Variants in RBPMS observed in about 807,000 individuals in gnomAD.
RBPMS encodes the protein RNA binding protein, mRNA processing factor.
A neutral mutation model predicts 26.8 loss-of-function variants in RBPMS; 7 were observed. The ratio of observed to expected loss-of-function variants is 0.26; its 90% CI spans 0.15 to 0.49. The LOEUF (loss-of-function observed/expected upper bound fraction) is 0.49, where lower values mean the gene tolerates loss of function less well. Ranked by LOEUF, RBPMS falls within the 20% of genes least tolerant of loss-of-function variation. RBPMS has a pLI of 0.98. For synonymous variants in RBPMS, 96 were observed against 93.3 expected (o/e 1.03, Z -0.17); for missense variants, 186 against 250.0 (o/e 0.74, Z 1.73).
chr8:30,557,497 AAGG>A lies in RBPMS; in HGVS notation c.529-1387_529-1385del, dbSNP rs572331860. 9.8e-5 allele frequency among the ~76,000 whole-genome samples: 15 copies of A among 152,296 alleles called. No individual in the cohort carries two copies. The South Asian group carries it at 1.7e-3, about 17-fold the overall frequency. On this transcript the variant is annotated intron_variant, in intron 6 of 8. Coordinates refer to ENST00000397323, the MANE Select transcript of RBPMS (RefSeq NM_001008710.3). ...CAGCTGGTGCCCACACCTGTAAAAC[AAGG>A]AGATGAGGCAGGAGCTTTCCACCAG... is the stretch of plus-strand genomic sequence containing the variant.
At chr8:30,408,665 A>G (rs780878975) in intron 1 of RBPMS, among the ~76,000 whole-genome samples, 49 of 152,302 alleles carry the variant, frequency 3.2e-4, no homozygotes, top group Non-Finnish European at 4.3e-4. Flanking sequence ...ATTGCACACC[A>G]CTGTGTTCTG....
intron 1 of RBPMS, among the ~76,000 whole-genome samples, chr8:30,460,643 T>C (rs559162570): frequency 6.6e-6 from 1 of 152,306 alleles, no homozygotes; most frequent in South Asian, 2.1e-4. Flanking sequence ...ATAGCTAAGA[T>C]TTCTTATACT....
At chr8:30,418,856 A>C (rs1169788756) in intron 1 of RBPMS, among the ~76,000 whole-genome samples, 1 of 152,050 alleles carries the variant, frequency 6.6e-6, no homozygotes. Flanking sequence ...TCGGCCTCCC[A>C]AATCTGTTTT....
intron 1 of RBPMS, among the ~76,000 whole-genome samples, chr8:30,423,256 A>G (rs560226574): frequency 6.6e-6 from 1 of 152,270 alleles, no homozygotes; most frequent in South Asian, 2.1e-4. Context: ...CAGACTCTCA[A>G]ACATCTGTAA....
intron 5 of RBPMS, among the ~76,000 whole-genome samples, chr8:30,510,237 G>A (rs1376127476): frequency 3.3e-5 from 5 of 152,190 alleles, no homozygotes; most frequent in African/African-American, 9.7e-5. Flanking sequence ...CTGATGTCTC[G>A]AGTAAACCCA....
At chr8:30,468,428 A>G (rs1816747080) in intron 1 of RBPMS, among the ~76,000 whole-genome samples, 1 of 151,682 alleles carries the variant, frequency 6.6e-6, no homozygotes, top group African/African-American at 2.4e-5. Context: ...CTCCCTTCTA[A>G]ATTTCTTTAT....
chr8:30,414,695 A>C (rs1167442082), intron 1 of RBPMS, among the ~76,000 whole-genome samples: 1 of 152,160 alleles, frequency 6.6e-6, no homozygotes, highest in Non-Finnish European at 1.5e-5. Context: ...AATTTTCTTA[A>C]ACAGATTTTT....
At chr8:30,415,457 C>T (rs2150595383) in intron 1 of RBPMS, among the ~76,000 whole-genome samples, 1 of 152,342 alleles carries the variant, frequency 6.6e-6, no homozygotes, top group African/African-American at 2.4e-5. Flanking sequence ...ACTGTGTCCA[C>T]TTGCCAGATG....
chr8:30,469,177 C>A (rs1304684130), intron 1 of RBPMS, among the ~76,000 whole-genome samples: 2 of 152,160 alleles, frequency 1.3e-5, no homozygotes, highest in African/African-American at 4.8e-5. Flanking sequence ...TATTTTCATG[C>A]CTAGATTACC....
chr8:30,488,283 A>G (rs1819006236), intron 4 of RBPMS, among the ~76,000 whole-genome samples: 1 of 152,234 alleles, frequency 6.6e-6, no homozygotes, highest in Non-Finnish European at 1.5e-5. Flanking sequence ...GTAAAGTATA[A>G]AAGCATTATT....
chr8:30,544,885 T>C (rs1825743742), intron 6 of RBPMS: 4 of 1,493,606 alleles, frequency 2.7e-6, no homozygotes, highest in South Asian at 1.3e-5. Context: ...ATATCGCACA[T>C]GAGAGACCGG....
At chr8:30,445,838 A>AT (rs1813699739) in intron 1 of RBPMS, among the ~76,000 whole-genome samples, 1 of 151,490 alleles carries the variant, frequency 6.6e-6, no homozygotes, top group Admixed American at 6.6e-5. Context: ...TGATTTTTGT[A>AT]TTTTTTGTAG....
At chr8:30,483,854 T>C (rs1818521431) in intron 4 of RBPMS, among the ~76,000 whole-genome samples, 1 of 152,174 alleles carries the variant, frequency 6.6e-6, no homozygotes. Flanking sequence ...TATTTGTCTT[T>C]TTGCTTCTGG....
intron 1 of RBPMS, among the ~76,000 whole-genome samples, chr8:30,422,706 T>C (rs1810937895): frequency 6.6e-6 from 1 of 152,090 alleles, no homozygotes; most frequent in South Asian, 2.1e-4. Context: ...GATACCTGAG[T>C]GTGGATTTTA....
intron 4 of RBPMS, among the ~76,000 whole-genome samples, chr8:30,481,396 A>G (rs1818258206): frequency 6.6e-6 from 1 of 152,236 alleles, no homozygotes; most frequent in African/African-American, 2.4e-5. Flanking sequence ...CCCAAAGGTT[A>G]TCATTACAAA....
At chr8:30,467,383 C>T (rs1222918836) in intron 1 of RBPMS, among the ~76,000 whole-genome samples, 1 of 152,268 alleles carries the variant, frequency 6.6e-6, no homozygotes, top group East Asian at 1.9e-4. Context: ...CCCTGATGCC[C>T]CGCTTGTGCA....
chr8:30,428,679 ACT>A (rs2150657859), intron 1 of RBPMS, among the ~76,000 whole-genome samples: 1 of 152,142 alleles, frequency 6.6e-6, no homozygotes, highest in African/African-American at 2.4e-5. Context: ...TCGGTAGGAC[ACT>A]CTATAATCTA....
intron 1 of RBPMS, among the ~76,000 whole-genome samples, chr8:30,452,179 A>C (rs1440796632): frequency 6.6e-6 from 1 of 152,226 alleles, no homozygotes; most frequent in Non-Finnish European, 1.5e-5. Context: ...CAAGCATGGC[A>C]TTTTACATCA....
chr8:30,408,060 T>C (rs1382900252), intron 1 of RBPMS, among the ~76,000 whole-genome samples: 1 of 152,164 alleles, frequency 6.6e-6, no homozygotes. Context: ...GATGACCAGT[T>C]ACAGGATCCT....
Sources: gnomAD v4.1 joint callset for allele counts (sites outside exome capture counted in the v4.1 genomes callset) on GRCh38, gnomAD v4.1.1 for gene constraint, MANE v1.5 for transcripts, NCBI Gene and HGNC (gene_info 2026-07-23, HGNC 2026-07-21) for gene names.